Variants in CADM1 observed in about 807,000 individuals in gnomAD.
The protein encoded by CADM1 is TSLC-1.
A neutral mutation model predicts 53.1 loss-of-function variants in CADM1; 15 were observed. The ratio of observed to expected loss-of-function variants is 0.28; its 90% CI spans 0.19 to 0.44. The LOEUF (loss-of-function observed/expected upper bound fraction) is 0.44, where lower values mean the gene tolerates loss of function less well. CADM1 is among the 20% of genes least tolerant of loss of function. The probability of loss-of-function intolerance (pLI) is 1.00; values close to 1 mark genes in which losing one functional copy is unlikely to be tolerated. For missense variants in CADM1, 434 were observed against 611.3 expected, an observed-to-expected ratio of 0.71 and a Z score of 3.06; for synonymous variants, 281 against 243.0, an observed-to-expected ratio of 1.16 and a Z score of -1.45.
At chr11:115,302,940 A>C (rs1467102084) in intron 1 of CADM1, among the ~76,000 whole-genome samples, 1 of 152,084 alleles carries the variant, frequency 6.6e-6, no homozygotes, top group Non-Finnish European at 1.5e-5. Flanking sequence ...TTGCAATTAC[A>C]AGATGCCAGA....
At chr11:115,197,902 A>G (rs1393117489) in intron 9 of CADM1, among the ~76,000 whole-genome samples, 2 of 152,186 alleles carry the variant, frequency 1.3e-5, no homozygotes, top group Non-Finnish European at 2.9e-5. Context: ...CTAAAGAAGA[A>G]CAATGACCTT....
chr11:115,407,298 C>T (rs1355488320), intron 1 of CADM1, among the ~76,000 whole-genome samples: 4 of 152,142 alleles, frequency 2.6e-5, no homozygotes, highest in Non-Finnish European at 4.4e-5. Context: ...TTTCACAAGG[C>T]AAAATAATTT....
intron 1 of CADM1, among the ~76,000 whole-genome samples, chr11:115,434,864 T>TTA (rs1555084669): frequency 8.0e-6 from 1 of 125,354 alleles, no homozygotes; most frequent in East Asian, 2.1e-4. Flanking sequence ...ATTATTATTA[T>TTA]TTTTTTTTTT....
At chr11:115,498,659 C>T (rs140541044) in intron 1 of CADM1, among the ~76,000 whole-genome samples, 2 of 152,358 alleles carry the variant, frequency 1.3e-5, no homozygotes, top group Non-Finnish European at 2.9e-5. Flanking sequence ...AAGCAATAAT[C>T]GTGCTGTAGC....
intron 1 of CADM1, among the ~76,000 whole-genome samples, chr11:115,499,896 T>C (rs571168728): frequency 1.3e-5 from 2 of 152,354 alleles, no homozygotes; most frequent in South Asian, 4.1e-4. Flanking sequence ...AATATGAATA[T>C]TGTATGTGGG....
At chr11:115,331,466 G>A (rs1046391044) in intron 1 of CADM1, among the ~76,000 whole-genome samples, 1 of 151,926 alleles carries the variant, frequency 6.6e-6, no homozygotes. Context: ...TTAAATTAAG[G>A]GCCCAAAAGG....
chr11:115,475,634 T>C (rs577247493), intron 1 of CADM1, among the ~76,000 whole-genome samples: 1 of 152,336 alleles, frequency 6.6e-6, no homozygotes, highest in South Asian at 2.1e-4. Flanking sequence ...GTAACACTGA[T>C]GAATTTCAGA....
chr11:115,410,857 T>C (rs1400883276), intron 1 of CADM1, among the ~76,000 whole-genome samples: 1 of 152,172 alleles, frequency 6.6e-6, no homozygotes. Flanking sequence ...TTTTCTTCTA[T>C]GGGTTCTCTG....
chr11:115,311,847 T>C (rs1242196984), intron 1 of CADM1, among the ~76,000 whole-genome samples: 1 of 152,176 alleles, frequency 6.6e-6, no homozygotes, highest in Non-Finnish European at 1.5e-5. Flanking sequence ...TGAGCAGTGA[T>C]GGGCAACAAA....
chr11:115,310,498 G>C (rs1336981217), intron 1 of CADM1, among the ~76,000 whole-genome samples: 2 of 152,018 alleles, frequency 1.3e-5, no homozygotes, highest in African/African-American at 2.4e-5. Flanking sequence ...TGTATGTATG[G>C]GGGGGTGGAG....
At chr11:115,458,161 T>C (rs925243846) in intron 1 of CADM1, among the ~76,000 whole-genome samples, 1 of 151,906 alleles carries the variant, frequency 6.6e-6, no homozygotes, top group Non-Finnish European at 1.5e-5. Flanking sequence ...TGAGCTCTGA[T>C]TAATTTTCAA....
chr11:115,255,851 TAAC>T (rs1428078320), intron 1 of CADM1, among the ~76,000 whole-genome samples: 2 of 152,128 alleles, frequency 1.3e-5, no homozygotes, highest in Non-Finnish European at 1.5e-5. Context: ...AGATGAAAAA[TAAC>T]AACAACCAAT....
chr11:115,451,159 G>A (rs923190986), intron 1 of CADM1, among the ~76,000 whole-genome samples: 1 of 152,164 alleles, frequency 6.6e-6, no homozygotes, highest in Non-Finnish European at 1.5e-5. Context: ...GAGATAGAAG[G>A]GAGGAAAATG....
chr11:115,415,485 G>C (rs1947570620), intron 1 of CADM1, among the ~76,000 whole-genome samples: 1 of 152,004 alleles, frequency 6.6e-6, no homozygotes, highest in African/African-American at 2.4e-5. Context: ...CATATGCAAG[G>C]CAAATAAGGA....
chr11:115,198,696 C>T (rs1185281318), intron 8 of CADM1, among the ~76,000 whole-genome samples: 1 of 152,126 alleles, frequency 6.6e-6, no homozygotes, highest in African/African-American at 2.4e-5. Flanking sequence ...TGCCAGGACA[C>T]ATATATTTGC....
chr11:115,174,641 T>C lies in CADM1; in HGVS notation c.*1833A>G, dbSNP rs1015391902. 1.0e-6 allele frequency: 1 copy of C among 984,594 alleles called. No individual in the cohort carries two copies. The highest frequency in any genetic ancestry group is 1.8e-5 in the African/African-American group (1 of 57,126). 61.0% of individuals were successfully genotyped at this position (984,594 alleles called of 1,614,324 possible). A position where few individuals can be genotyped will look rare whatever the true frequency, so the allele number is the denominator to read the frequency against. On this transcript the variant is annotated 3_prime_UTR_variant, in exon 12 of 12. Coordinates refer to ENST00000331581, the MANE Select transcript of CADM1 (RefSeq NM_001301043.2). ...CAAATAACAAAGAGTTGACACTTTT[T>C]CCCCCTTAAATAAATCAGCATAAGT...
chr11:115,200,103 G>A (rs1384275914), intron 8 of CADM1, among the ~76,000 whole-genome samples: 2 of 152,134 alleles, frequency 1.3e-5, no homozygotes, highest in Non-Finnish European at 2.9e-5. Context: ...AAGTCTGAAA[G>A]GCCAATGCAG....
At chr11:115,223,114 TCTC>T (rs562728651) in intron 5 of CADM1, among the ~76,000 whole-genome samples, 8 of 152,166 alleles carry the variant, frequency 5.3e-5, no homozygotes, top group African/African-American at 9.7e-5. Context: ...GGCATGGACT[TCTC>T]CTTCCACCTT....
chr11:115,286,746 C>A (rs1370983860), intron 1 of CADM1, among the ~76,000 whole-genome samples: 2 of 152,176 alleles, frequency 1.3e-5, no homozygotes, highest in Admixed American at 1.3e-4. Flanking sequence ...AGTTAAGGAA[C>A]AATTTTGCCA....
Sources: gnomAD v4.1 joint callset for allele counts (sites outside exome capture counted in the v4.1 genomes callset) on GRCh38, gnomAD v4.1.1 for gene constraint, MANE v1.5 for transcripts, NCBI Gene and HGNC (gene_info 2026-07-23, HGNC 2026-07-21) for gene names.